The following RALGAPA1 variants were observed in gnomAD, a reference collection of about 807,000 sequenced individuals.
RALGAPA1 encodes the protein Ral GTPase activating protein catalytic subunit alpha 1, also known as ral GTPase-activating protein subunit alpha-1.
Under a neutral mutation model 269.6 loss-of-function variants are expected in RALGAPA1, and 52 were observed. That is an observed-to-expected ratio of 0.19 (90% CI 0.15 to 0.24). The LOEUF (loss-of-function observed/expected upper bound fraction) is 0.24, where lower values mean the gene tolerates loss of function less well. RALGAPA1 is among the 10% of genes least tolerant of loss of function. The probability of loss-of-function intolerance (pLI) is 1.00; values close to 1 mark genes in which losing one functional copy is unlikely to be tolerated. For missense variants in RALGAPA1, 1,917 were observed against 3,013.9 expected (o/e 0.64, Z 8.52); for synonymous variants, 817 against 1,008.3 (o/e 0.81, Z 3.60).
intron 16 of RALGAPA1, among the ~76,000 whole-genome samples, chr14:35,709,915 T>C (rs1467354961): frequency 1.3e-5 from 2 of 152,234 alleles, no homozygotes; most frequent in Non-Finnish European, 2.9e-5. Context: ...ACGATTTCTA[T>C]TCCTAAAAAT....
chr14:35,595,011 C>T (rs181635218), intron 37 of RALGAPA1, among the ~76,000 whole-genome samples: 1 of 151,162 alleles, frequency 6.6e-6, no homozygotes, highest in African/African-American at 2.4e-5. Context: ...ACTTGGAGGA[C>T]ACTATGTGTC....
intron 36 of RALGAPA1, among the ~76,000 whole-genome samples, chr14:35,602,605 T>C (rs1460741905): frequency 6.6e-6 from 1 of 152,218 alleles, no homozygotes; most frequent in Non-Finnish European, 1.5e-5. Context: ...TGGTCATATA[T>C]CTTTTCTGGC....
chr14:35,728,556 G>T (rs780810112), intron 12 of RALGAPA1, 46 bp from the exon 13 acceptor site: 2 of 1,524,404 alleles, frequency 1.3e-6, no homozygotes, highest in Non-Finnish European at 8.8e-7. Context: ...AATTTCAATG[G>T]CAAATTTCTT....
At chr14:35,787,347 C>T (rs987967956) in intron 1 of RALGAPA1, among the ~76,000 whole-genome samples, 7 of 152,064 alleles carry the variant, frequency 4.6e-5, no homozygotes, top group African/African-American at 1.7e-4. Flanking sequence ...TGGCTTAGCC[C>T]TAAGAACAAT....
chr14:35,724,145 C>T (rs1397283255), intron 14 of RALGAPA1, among the ~76,000 whole-genome samples: 1 of 152,022 alleles, frequency 6.6e-6, no homozygotes, highest in Non-Finnish European at 1.5e-5. Context: ...TTTTATCTTC[C>T]TGTAGCTCCC....
intron 11 of RALGAPA1, 135 bp from the exon 12 acceptor site, chr14:35,738,785 T>C: frequency 1.6e-6 from 1 of 636,166 alleles, no homozygotes; most frequent in African/African-American, 1.8e-5. Flanking sequence ...GATGATGTCT[T>C]ATCCAAATCC....
intron 16 of RALGAPA1, among the ~76,000 whole-genome samples, chr14:35,714,298 A>G (rs150194869): frequency 0.014 from 2,143 of 152,182 alleles, 40 homozygotes; most frequent in Admixed American, 0.035. Flanking sequence ...AACACTTAAT[A>G]TTCGTATTTT....
intron 37 of RALGAPA1, among the ~76,000 whole-genome samples, chr14:35,585,516 T>G (rs1202460736): frequency 6.6e-6 from 1 of 152,218 alleles, no homozygotes; most frequent in Non-Finnish European, 1.5e-5. Context: ...AATGAATTAG[T>G]TAAAAATGGT....
At chr14:35,702,783 A>G (rs1359420092) in intron 16 of RALGAPA1, among the ~76,000 whole-genome samples, 18 of 147,182 alleles carry the variant, frequency 1.2e-4, no homozygotes, top group African/African-American at 4.5e-4. Context: ...TATGTCACCC[A>G]GGCTGGAGTG....
chr14:35,682,146 T>C (rs945337350), intron 21 of RALGAPA1, among the ~76,000 whole-genome samples: 25 of 152,194 alleles, frequency 1.6e-4, no homozygotes, highest in African/African-American at 6.0e-4. Flanking sequence ...CCAAGGAAAA[T>C]ACATACCTAA....
chr14:35,788,638 C>A (rs1464511120), intron 1 of RALGAPA1, among the ~76,000 whole-genome samples: 3 of 152,148 alleles, frequency 2.0e-5, no homozygotes, highest in African/African-American at 7.2e-5. Flanking sequence ...TTCACAAATT[C>A]TTTGCTCAAT....
chr14:35,637,468 A>G (rs1351309557), intron 31 of RALGAPA1, among the ~76,000 whole-genome samples: 1 of 152,210 alleles, frequency 6.6e-6, no homozygotes, highest in Non-Finnish European at 1.5e-5. Context: ...CAGAACGGAT[A>G]ATGCAGAAAA....
chr14:35,725,274 T>C, intron 13 of RALGAPA1, 121 bp from the exon 14 acceptor site: 2 of 599,582 alleles, frequency 3.3e-6, no homozygotes, highest in East Asian at 6.7e-5. Flanking sequence ...TGAAAGACAA[T>C]TTCAAATGTT....
At chr14:35,654,057 C>A (rs934282662) in intron 30 of RALGAPA1, among the ~76,000 whole-genome samples, 2 of 152,198 alleles carry the variant, frequency 1.3e-5, no homozygotes, top group African/African-American at 2.4e-5. Context: ...AGGCTGGTCT[C>A]TAAGTCCTGG....
chr14:35,738,546 T>C lies in RALGAPA1; in HGVS notation c.1554A>G (p.Gln518=), dbSNP rs1238235578. The stretch of plus-strand genomic sequence containing the variant: ...CTGCCTGGGTACCAGCTCGTATGTT[T>C]TGTTCTGTGGCTTCTTCAGAGGCGT... ...LHNASEEATE[Q]NIRAGTQAVL... The change falls in exon 12 of 42, where the codon CAA becomes CAG. Residue 518 remains glutamine, a synonymous_variant. Transcript: ENST00000680220. The C allele has an allele frequency of 6.2e-7, 1 of 1,611,928 alleles. No homozygotes were observed. The highest frequency in any genetic ancestry group is 2.2e-5 in the East Asian group (1 of 44,852).
intron 21 of RALGAPA1, among the ~76,000 whole-genome samples, chr14:35,682,713 T>A (rs1225552882): frequency 2.0e-5 from 3 of 152,182 alleles, no homozygotes; most frequent in African/African-American, 7.2e-5. Flanking sequence ...TTCATTTACA[T>A]TTAAAAACAA....
chr14:35,805,984 A>T (rs950729163), intron 1 of RALGAPA1, among the ~76,000 whole-genome samples: 5 of 152,066 alleles, frequency 3.3e-5, no homozygotes, highest in Non-Finnish European at 7.4e-5. Flanking sequence ...TACCGCACCC[A>T]GCTGATTATA....
intron 8 of RALGAPA1, 37 bp from the exon 9 acceptor site, chr14:35,750,727 G>T: frequency 6.7e-7 from 1 of 1,495,686 alleles, no homozygotes; most frequent in South Asian, 1.3e-5. Flanking sequence ...ACCAAAATAA[G>T]AAAGAAATTA....
At chr14:35,680,195 T>C (rs1257380341) in intron 21 of RALGAPA1, among the ~76,000 whole-genome samples, 1 of 152,168 alleles carries the variant, frequency 6.6e-6, no homozygotes, top group Non-Finnish European at 1.5e-5. Flanking sequence ...TTTTAAGAAC[T>C]AGATTTTATT....
Sources: allele counts gnomAD v4.1 joint callset (sites outside exome capture counted in the v4.1 genomes callset), GRCh38; gene constraint gnomAD v4.1.1; transcripts MANE v1.5; gene names NCBI Gene and HGNC (gene_info 2026-07-23, HGNC 2026-07-21).